The following LIPH variants were observed in gnomAD, a reference collection of about 807,000 sequenced individuals.
LIPH encodes lipase H.
In LIPH, 32 loss-of-function variants were observed where a neutral mutation model predicts 47.6. The observed-to-expected ratio is 0.67, with a 90% CI of 0.51 to 0.90. The LOEUF is 0.90. Ranked by LOEUF, LIPH falls within the 40% of genes least tolerant of loss-of-function variation. The pLI, the probability that LIPH is intolerant of heterozygous loss-of-function variation, is 0.00. For synonymous variants in LIPH, 190 were observed against 195.6 expected (o/e 0.97, Z 0.24); for missense variants, 497 against 541.4 (o/e 0.92, Z 0.81).
intron 1 of LIPH, among the ~76,000 whole-genome samples, chr3:185,541,009 A>C (rs1720692625): frequency 6.6e-6 from 1 of 152,198 alleles, no homozygotes; most frequent in Non-Finnish European, 1.5e-5. Context: ...TAGTGCCTTG[A>C]GACAATATCT....
chr3:185,548,927 T>C (rs1165382288), intron 1 of LIPH, among the ~76,000 whole-genome samples: 7 of 149,718 alleles, frequency 4.7e-5, no homozygotes, highest in Non-Finnish European at 1.0e-4. Flanking sequence ...AGGTCAAGAG[T>C]TCAAGACCAG....
At chr3:185,547,629 C>T (rs1415831774) in intron 1 of LIPH, among the ~76,000 whole-genome samples, 3 of 151,984 alleles carry the variant, frequency 2.0e-5, no homozygotes, top group African/African-American at 7.3e-5. Context: ...GCCTGGCCAG[C>T]CTGGCCAACA....
rs1720442609 is a variant in LIPH at position 185,534,617 on chromosome 3, C to T, written c.417+148G>A. On this transcript the variant is annotated intron_variant, in intron 2 of 9. Coordinates refer to ENST00000296252, the MANE Select transcript of LIPH (RefSeq NM_139248.3). ...TACCTATGGACATTTTGCACAGCCC[C>T]TCATCCCACCTTCCCTGGGGCTTAT... 4.0e-6 allele frequency: 3 copies of T among 748,468 alleles called. No homozygotes were observed. In the South Asian group the frequency reaches 5.2e-5, roughly 13 times the overall value. The allele number at this position is 748,468 out of a possible 1,614,324, so 46.4% of individuals were successfully genotyped here. A position where few individuals can be genotyped will look rare whatever the true frequency, so the allele number is the denominator to read the frequency against.
At chr3:185,531,153 T>A (rs889700414) in intron 3 of LIPH, among the ~76,000 whole-genome samples, 1 of 152,200 alleles carries the variant, frequency 6.6e-6, no homozygotes, top group Non-Finnish European at 1.5e-5. Flanking sequence ...GCCCCAAACC[T>A]AGCGCTAACC....
Position 185,533,696 on chromosome 3 carries a change from T to C in LIPH, c.418-17A>G. On this transcript the variant is annotated splice_polypyrimidine_tract_variant and intron_variant, in intron 2 of 9. Coordinates refer to ENST00000296252, the MANE Select transcript of LIPH (RefSeq NM_139248.3). ...TCCTTCTGCCTGGAATTTCAAGAGG[T>C]CCATCATTGTAAATTGTAAGGGGCC... is the stretch of plus-strand genomic sequence containing the variant. 1.3e-6 allele frequency: 2 copies of C among 1,525,596 alleles called. No homozygotes were observed. Among genetic ancestry groups the C allele is most frequent in the Non-Finnish European group, 1.8e-6 (2 of 1,099,174 alleles). 94.5% of individuals were successfully genotyped at this position (1,525,596 alleles called of 1,614,324 possible). A position where few individuals can be genotyped will look rare whatever the true frequency, so the allele number is the denominator to read the frequency against.
Position 185,534,685 on chromosome 3 carries a change from T to A in LIPH, c.417+80A>T, listed in dbSNP as rs1368278940. 4.2e-6 allele frequency: 6 copies of A among 1,441,664 alleles called. No individual in the cohort carries two copies. In the Admixed American group the frequency reaches 1.0e-4, roughly 25 times the overall value. The allele number at this position is 1,441,664 out of a possible 1,614,324, so 89.3% of individuals were successfully genotyped here. On this transcript the variant is annotated intron_variant, in intron 2 of 9. Transcript: ENST00000296252. ...TGCAATATAGGCCTCCTGCTCACTG[T>A]AGCTATCTCTTGGCTTTAAGCCCTC...
In LIPH at chr3:185,518,992, G is replaced by A. The variant is rs560579149; in HGVS notation, c.886+150C>T. The stretch of plus-strand genomic sequence containing the variant: ...AGCTGCTTCAACCTCCCAAAGTGCT[G>A]GGATTACAGGCATGAGCCACTGTGC... On this transcript the variant is annotated intron_variant, in intron 6 of 9. Coordinates refer to ENST00000296252, the MANE Select transcript of LIPH (RefSeq NM_139248.3). The A allele has an allele frequency of 4.3e-5, 30 of 695,716 alleles. No individual in the cohort carries two copies. In the South Asian group the frequency reaches 4.6e-4, roughly 11 times the overall value. The allele number at this position is 695,716 out of a possible 1,614,324, so 43.1% of individuals were successfully genotyped here. A position where few individuals can be genotyped will look rare whatever the true frequency, so the allele number is the denominator to read the frequency against.
rs1720461086 is a variant in LIPH at position 185,535,032 on chromosome 3, GT to G, written c.149del (p.Asn50ThrfsTer2). ...NVRLMLYTRK[N>X]LTCAQTINSS... ...AGTTGATGGTTTGTGCGCAGGTCAG[GT>G]TTTTCCTTGTGTAGAGCATCAGCCT... On this transcript the variant is annotated frameshift_variant, in exon 2 of 10. Transcript: ENST00000296252. The G allele has an allele frequency of 4.3e-6, 7 of 1,613,664 alleles. No individual in the cohort carries two copies. Among genetic ancestry groups the G allele is most frequent in the Non-Finnish European group, 5.9e-6 (7 of 1,179,778 alleles).
In LIPH at chr3:185,531,155, G is replaced by A. The variant is rs552551493; in HGVS notation, c.526+2416C>T. Reference sequence around the variant, plus strand: ...GGATAGATACGGAGCCCCAAACCTAGCGCTAACCAGCTGTGTGCCCTTAGG... The same window carrying A: ...GGATAGATACGGAGCCCCAAACCTAACGCTAACCAGCTGTGTGCCCTTAGG... On this transcript the variant is annotated intron_variant, in intron 3 of 9. Coordinates refer to ENST00000296252, the MANE Select transcript of LIPH (RefSeq NM_139248.3). Among the ~76,000 whole-genome samples, 6 of 152,262 alleles carry A rather than the reference G, an allele frequency of 3.9e-5. No individual in the cohort carries two copies. The South Asian group carries it at 6.2e-4, about 16-fold the overall frequency.
intron 8 of LIPH, 37 bp from the exon 9 acceptor site, chr3:185,511,734 A>G (rs368938356): frequency 2.8e-5 from 42 of 1,484,696 alleles, no homozygotes; most frequent in Non-Finnish European, 3.8e-5. Flanking sequence ...ATGGATAAAG[A>G]CTACTAATGA....
chr3:185,537,331 C>T (rs904329373), intron 1 of LIPH, among the ~76,000 whole-genome samples: 3 of 152,070 alleles, frequency 2.0e-5, no homozygotes, highest in East Asian at 1.9e-4. Flanking sequence ...CTTTGAAATC[C>T]CTCATCCTAG....
At chr3:185,548,581 G>A (rs190821311) in intron 1 of LIPH, among the ~76,000 whole-genome samples, 36 of 151,424 alleles carry the variant, frequency 2.4e-4, no homozygotes, top group Non-Finnish European at 4.0e-4. Context: ...TACAAAATTA[G>A]CTGGGTGTGG....
chr3:185,528,585 C>T (rs1720201792), intron 3 of LIPH, among the ~76,000 whole-genome samples: 3 of 152,154 alleles, frequency 2.0e-5, no homozygotes, highest in Admixed American at 2.0e-4. Context: ...CCTCTTAATG[C>T]AACCACTTCT....
Position 185,524,065 on chromosome 3 carries a change from G to C in LIPH, c.718+6C>G. On this transcript the variant is annotated splice_donor_region_variant and intron_variant, in intron 5 of 9. Coordinates refer to ENST00000296252, the MANE Select transcript of LIPH (RefSeq NM_139248.3). Reference sequence around the variant, plus strand: ...TACCACTATTTTACAAAATATAAAGGCTTACCTCCCAATATTGTTTTGGGG... The same window carrying C: ...TACCACTATTTTACAAAATATAAAGCCTTACCTCCCAATATTGTTTTGGGG... The C allele has an allele frequency of 6.2e-7, 1 of 1,601,378 alleles. No homozygotes were observed. Among genetic ancestry groups the C allele is most frequent in the African/African-American group, 1.3e-5 (1 of 74,726 alleles).
chr3:185,511,371 A>G (rs965199587), intron 9 of LIPH, among the ~76,000 whole-genome samples, 153 bp downstream of exon 9: 2 of 152,104 alleles, frequency 1.3e-5, no homozygotes, highest in Non-Finnish European at 2.9e-5. Context: ...GGCCTGGGCT[A>G]CTTGTTTATA....
intron 7 of LIPH, among the ~76,000 whole-genome samples, chr3:185,515,512 A>C (rs1577665565): frequency 6.8e-6 from 1 of 148,054 alleles, no homozygotes; most frequent in African/African-American, 2.5e-5. Context: ...AGTGATCTGC[A>C]GGCTTTTTTT....
chr3:185,515,362 T>A (rs886664323), intron 7 of LIPH, among the ~76,000 whole-genome samples: 1 of 151,780 alleles, frequency 6.6e-6, no homozygotes, highest in African/African-American at 2.4e-5. Flanking sequence ...ATCAGGGAGA[T>A]GACAGTCCCA....
Position 185,527,569 on chromosome 3 carries a change from G to C in LIPH, c.543C>G (p.Gly181=), listed in dbSNP as rs764883318. The change falls in exon 4 of 10, where the codon GGC becomes GGG. Residue 181 remains glycine, a synonymous_variant. Coordinates refer to ENST00000296252, the MANE Select transcript of LIPH (RefSeq NM_139248.3). ...LGRITGLDPA[G]PLFNGKPHQD... Reference sequence around the variant, plus strand: ...GGTGAGGTTTCCCGTTGAATAAAGGGCCTGCAGGGTCGAGGCCTGGAAGGA... The same window carrying C: ...GGTGAGGTTTCCCGTTGAATAAAGGCCCTGCAGGGTCGAGGCCTGGAAGGA... The C allele has an allele frequency of 6.2e-7, 1 of 1,611,578 alleles. No individual in the cohort carries two copies. Among genetic ancestry groups the C allele is most frequent in the East Asian group, 2.2e-5 (1 of 44,788 alleles).
rs1721081071 is a variant in LIPH at position 185,552,515 on chromosome 3, T to C, written c.-44A>G. On this transcript the variant is annotated 5_prime_UTR_variant, in exon 1 of 10. Coordinates refer to ENST00000296252, the MANE Select transcript of LIPH (RefSeq NM_139248.3). ...GTGTGTCACATTCACAAGAATGATT[T>C]ACTTCGCAGAGGCTTAAGAGTTTCC... The C allele has an allele frequency of 7.3e-7, 1 of 1,365,956 alleles. No homozygotes were observed. The highest frequency in any genetic ancestry group is 1.0e-6 in the Non-Finnish European group (1 of 953,814). 84.6% of individuals were successfully genotyped at this position (1,365,956 alleles called of 1,614,324 possible).
Sources: gnomAD v4.1 joint callset for allele counts (sites outside exome capture counted in the v4.1 genomes callset) on GRCh38, gnomAD v4.1.1 for gene constraint, MANE v1.5 for transcripts, NCBI Gene and HGNC (gene_info 2026-07-23, HGNC 2026-07-21) for gene names.